Variants in APOL2 observed in about 807,000 individuals in gnomAD.
APOL2 encodes the protein apolipoprotein L2.
In APOL2, 8 loss-of-function variants were observed where a neutral mutation model predicts 7.1. The ratio of observed to expected loss-of-function variants is 1.12; its 90% CI spans 0.66 to 2.03. The LOEUF (loss-of-function observed/expected upper bound fraction) is 2.03, where lower values mean the gene tolerates loss of function less well. APOL2 is among the 30% of genes most tolerant of loss of function. APOL2 has a pLI of 0.00. For synonymous variants in APOL2, 177 were observed against 159.9 expected (o/e 1.11, Z -0.81); for missense variants, 471 against 415.1 (o/e 1.13, Z -1.17).
chr22:36,231,550 AT>A (rs1209781315), intron 3 of APOL2, 84 bp from the exon 4 acceptor site: 47 of 1,515,740 alleles, frequency 3.1e-5, no homozygotes, highest in Non-Finnish European at 4.2e-5. Context: ...TTACATGTTA[AT>A]TTTTCCTGGA....
At chr22:36,230,887 A>T (rs2015199074) in intron 4 of APOL2, among the ~76,000 whole-genome samples, 1 of 152,134 alleles carries the variant, frequency 6.6e-6, no homozygotes, top group Non-Finnish European at 1.5e-5. Context: ...ACTTTTCCCA[A>T]AGGAAGTCCT....
At chr22:36,236,674 G>A (rs1304025349) in intron 1 of APOL2, 1 of 985,138 alleles carries the variant, frequency 1.0e-6, no homozygotes, top group Non-Finnish European at 1.2e-6. Flanking sequence ...TAACAGCTCA[G>A]TGGTTCCCGG....
At chr22:36,237,853 C>A (rs192816957) in intron 1 of APOL2, among the ~76,000 whole-genome samples, 2 of 152,306 alleles carry the variant, frequency 1.3e-5, no homozygotes, top group Admixed American at 6.5e-5. Context: ...CCACTGACGC[C>A]CTGCTTCGGT....
At chr22:36,238,660 T>A (rs1194485951) in intron 1 of APOL2, among the ~76,000 whole-genome samples, 1 of 152,184 alleles carries the variant, frequency 6.6e-6, no homozygotes, top group Non-Finnish European at 1.5e-5. Context: ...CTTTTGAATC[T>A]CATGATTGCA....
At chr22:36,239,687 G>C, upstream of APOL2, 1 of 595,892 alleles carries the variant, frequency 1.7e-6, no homozygotes, top group South Asian at 2.0e-5. Context: ...GCACTTAGAG[G>C]AGCAGCCGCA....
chr22:36,228,156 A>G lies in APOL2; in HGVS notation c.262T>C (p.Leu88=). Residue 88 remains leucine, a synonymous_variant, in exon 5 of 5, where the codon TTG becomes CTG. Transcript: ENST00000358502. The part of the protein sequence containing the change: ...RQWFLKEFPR[L]KRELEDHIRK... The stretch of plus-strand genomic sequence containing the variant: ...ATGTGATCCTCAAGCTCCCTTTTCA[A>G]CCGAGGAAACTCTTTCAAAAACCAC... 1 of 1,614,148 alleles carries G rather than the reference A, an allele frequency of 6.2e-7. No individual in the cohort carries two copies. Among genetic ancestry groups the G allele is most frequent in the Non-Finnish European group, 8.5e-7 (1 of 1,180,022 alleles).
In APOL2 at chr22:36,233,482, C is replaced by G. The variant is rs1444527215; in HGVS notation, c.-133-27G>C. ...TGTAGGGGTATGAGAAGAAGATAATCAGAGGAGGGGCAGCCATCTGATCAT... is the reference window on the plus strand; with the variant it reads ...TGTAGGGGTATGAGAAGAAGATAATGAGAGGAGGGGCAGCCATCTGATCAT... On this transcript the variant is annotated intron_variant, in intron 1 of 4. Coordinates refer to ENST00000358502, the MANE Select transcript of APOL2 (RefSeq NM_030882.4). 4.5e-6 allele frequency: 7 copies of G among 1,542,626 alleles called. No homozygotes were observed. The East Asian group carries it at 1.5e-4, about 32-fold the overall frequency.
chr22:36,237,051 G>T, intron 1 of APOL2: 1 of 1,482,118 alleles, frequency 6.7e-7, no homozygotes, highest in Non-Finnish European at 9.0e-7. Flanking sequence ...ACAGAGCTGG[G>T]GCCTCGGACC....
intron 1 of APOL2, among the ~76,000 whole-genome samples, chr22:36,238,538 C>T (rs964167030): frequency 6.6e-6 from 1 of 151,884 alleles, no homozygotes; most frequent in Non-Finnish European, 1.5e-5. Flanking sequence ...GATATTGAAG[C>T]AAAAATGGGT....
intron 1 of APOL2, among the ~76,000 whole-genome samples, chr22:36,238,509 C>A (rs926949042): frequency 6.6e-6 from 1 of 152,138 alleles, no homozygotes; most frequent in African/African-American, 2.4e-5. Flanking sequence ...GGGAGGCCAA[C>A]ATCTGCCCTT....
chr22:36,228,971 AAAG>A (rs1261357175), intron 4 of APOL2, among the ~76,000 whole-genome samples: 2 of 152,122 alleles, frequency 1.3e-5, no homozygotes, highest in East Asian at 1.9e-4. Context: ...ATGGGTTGAG[AAAG>A]AAGGACTTTC....
In APOL2 at chr22:36,227,724, C is replaced by T. The variant is rs375466330; in HGVS notation, c.694G>A (p.Ala232Thr). ...GCATACGCTCCTAACTGAGGGTTGG[C>T]TCTGGCTCGTCTGATGGCACGGATG... is the stretch of plus-strand genomic sequence containing the variant. Reference protein sequence around the residue: ...RNIRAIRRARANPQLGAYAPP... With the variant: ...RNIRAIRRARTNPQLGAYAPP... The change falls in exon 5 of 5, where the codon GCC becomes ACC. Residue 232 changes from alanine (A) to threonine (T), a missense_variant. Physicochemically the swap from Ala to Thr is moderately conservative, Grantham distance 58. Coordinates refer to ENST00000358502, the MANE Select transcript of APOL2 (RefSeq NM_030882.4). 23 of 1,614,220 alleles carry T rather than the reference C, an allele frequency of 1.4e-5. No individual in the cohort carries two copies. The highest frequency in any genetic ancestry group is 1.9e-5 in the Non-Finnish European group (23 of 1,180,040).
At position 36,227,785 on chromosome 22, in the gene APOL2, G is replaced by A; in HGVS notation, c.633C>T (p.Asp211=). The A allele has an allele frequency of 6.2e-7, 1 of 1,614,194 alleles. No individual in the cohort carries two copies. The highest frequency in any genetic ancestry group is 8.5e-7 in the Non-Finnish European group (1 of 1,180,046). ...GNTPNVLTLV[D]NWYQVTQGIG... ...TCCCTTGTGTGACTTGGTACCAATT[G>A]TCAACTAAGGTAAGAACATTGGGTG... The change falls in exon 5 of 5, where the codon GAC becomes GAT. Residue 211 remains aspartate, a synonymous_variant. Coordinates refer to ENST00000358502, the MANE Select transcript of APOL2 (RefSeq NM_030882.4).
chr22:36,231,401 G>A lies in APOL2; in HGVS notation c.76C>T (p.Leu26=). The A allele has an allele frequency of 4.3e-6, 7 of 1,614,194 alleles. No individual in the cohort carries two copies. The highest frequency in any genetic ancestry group is 5.1e-6 in the Non-Finnish European group (6 of 1,180,006). The stretch of plus-strand genomic sequence containing the variant: ...GCTTCATCATCAGTCAGCAGTTGTA[G>A]CAGATTCTCTCTGCTCACTTGGTCC... ...FQDQVSRENL[L]QLLTDDEAWN... Residue 26 remains leucine, a synonymous_variant, in exon 4 of 5, where the codon CTA becomes TTA. Coordinates refer to ENST00000358502, the MANE Select transcript of APOL2 (RefSeq NM_030882.4).
Position 36,239,131 on chromosome 22 carries a change from C to G in APOL2, c.-134+310G>C, listed in dbSNP as rs1406141963. On this transcript the variant is annotated intron_variant, in intron 1 of 4. Transcript: ENST00000358502. ...CCCAAAGAGATGGGCACCCCCAACACCTACCTTTCTTCTGGGGTCAGCTGG... is the reference window on the plus strand; with the variant it reads ...CCCAAAGAGATGGGCACCCCCAACAGCTACCTTTCTTCTGGGGTCAGCTGG... 5 of 1,207,728 alleles carry G rather than the reference C, an allele frequency of 4.1e-6. No individual in the cohort carries two copies. In the Admixed American group the frequency reaches 2.0e-4, roughly 48 times the overall value. 74.8% of individuals were successfully genotyped at this position (1,207,728 alleles called of 1,614,324 possible).
At chr22:36,228,542 C>T (rs1435439804) in intron 4 of APOL2, among the ~76,000 whole-genome samples, 1 of 152,160 alleles carries the variant, frequency 6.6e-6, no homozygotes, top group Non-Finnish European at 1.5e-5. Flanking sequence ...GATAAAGATG[C>T]CTCCTCACTC....
chr22:36,228,283 G>T lies in APOL2; in HGVS notation c.138-3C>A. The T allele has an allele frequency of 6.2e-7, 1 of 1,610,574 alleles. No individual in the cohort carries two copies. The highest frequency in any genetic ancestry group is 8.5e-7 in the Non-Finnish European group (1 of 1,178,372). On this transcript the variant is annotated splice_polypyrimidine_tract_variant and splice_region_variant and intron_variant, in intron 4 of 4. Coordinates refer to ENST00000358502, the MANE Select transcript of APOL2 (RefSeq NM_030882.4). ...TACGGAGCTCATCTGCCTCATCCCT[G>T]CACAAGGAAAGGTTAAAGGATTAAG...
intron 1 of APOL2, among the ~76,000 whole-genome samples, chr22:36,237,788 G>C (rs1052811296): frequency 6.6e-6 from 1 of 152,082 alleles, no homozygotes; most frequent in Non-Finnish European, 1.5e-5. Context: ...CTGATGCTCT[G>C]GACCCCACCT....
chr22:36,233,620 G>T (rs546070756), intron 1 of APOL2, among the ~76,000 whole-genome samples, 165 bp from the exon 2 acceptor site: 1 of 152,314 alleles, frequency 6.6e-6, no homozygotes, highest in African/African-American at 2.4e-5. Context: ...AGTGTGTATT[G>T]TGTGTCTGTG....
Sources: gnomAD v4.1 joint callset for allele counts (sites outside exome capture counted in the v4.1 genomes callset) on GRCh38, gnomAD v4.1.1 for gene constraint, MANE v1.5 for transcripts, NCBI Gene and HGNC (gene_info 2026-07-23, HGNC 2026-07-21) for gene names.